The following PSMD9 variants were observed in gnomAD, a reference collection of about 807,000 sequenced individuals.
PSMD9 encodes the protein 26S proteasome non-ATPase regulatory subunit 9.
In PSMD9, 26 loss-of-function variants were observed where a neutral mutation model predicts 25.9. The observed-to-expected ratio is 1.00, with a 90% CI of 0.73 to 1.39. PSMD9 has a LOEUF of 1.39. PSMD9 is among the 40% of genes most tolerant of loss of function. The probability of loss-of-function intolerance (pLI) is 0.00; values close to 1 mark genes in which losing one functional copy is unlikely to be tolerated. For missense variants in PSMD9, 303 were observed against 299.3 expected, an observed-to-expected ratio of 1.01 and a Z score of -0.09; for synonymous variants, 110 against 114.5, an observed-to-expected ratio of 0.96 and a Z score of 0.25.
intron 5 of PSMD9, 42 bp from the exon 6 acceptor site, chr12:121,916,242 G>A: frequency 6.2e-7 from 1 of 1,612,606 alleles, no homozygotes; most frequent in South Asian, 1.1e-5. Context: ...TTCCTGAAGG[G>A]AGCCTCCAAA....
intron 4 of PSMD9, among the ~76,000 whole-genome samples, chr12:121,908,427 C>G (rs1194638630): frequency 6.6e-6 from 1 of 152,156 alleles, no homozygotes; most frequent in Non-Finnish European, 1.5e-5. Flanking sequence ...GATCTGCCCG[C>G]TTCGGCCTCC....
chr12:121,914,861 TAAAGC>T (rs1879848508), intron 4 of PSMD9: 1 of 150,796 alleles, frequency 6.6e-6, no homozygotes, highest in Non-Finnish European at 1.5e-5. Flanking sequence ...CTCAGAAAAA[TAAAGC>T]AATACATACG....
chr12:121,891,415 A>C (rs1396625083), intron 1 of PSMD9, among the ~76,000 whole-genome samples: 2 of 150,236 alleles, frequency 1.3e-5, no homozygotes, highest in Non-Finnish European at 3.0e-5. Context: ...CCTGGCTAAC[A>C]CAGTGAAACC....
At chr12:121,906,498 C>T (rs1879558420) in intron 4 of PSMD9, among the ~76,000 whole-genome samples, 1 of 151,362 alleles carries the variant, frequency 6.6e-6, no homozygotes, top group Non-Finnish European at 1.5e-5. Flanking sequence ...GGTGAAACCC[C>T]ATCTCTACTA....
intron 3 of PSMD9, among the ~76,000 whole-genome samples, chr12:121,900,523 T>A (rs11043236): frequency 1.4e-5 from 2 of 148,010 alleles, no homozygotes; most frequent in African/African-American, 2.5e-5. Flanking sequence ...AAACCCCGTC[T>A]CTACTAAAAA....
intron 4 of PSMD9, among the ~76,000 whole-genome samples, chr12:121,910,755 T>C (rs1368074532): frequency 6.6e-6 from 1 of 150,798 alleles, no homozygotes; most frequent in Non-Finnish European, 1.5e-5. Flanking sequence ...AGTGAAACTT[T>C]GTCTCAAAAA....
intron 4 of PSMD9, among the ~76,000 whole-genome samples, chr12:121,910,616 C>T (rs56001259): frequency 7.9e-5 from 12 of 151,474 alleles, no homozygotes; most frequent in Middle Eastern, 3.2e-3. Context: ...CAAAATTAGC[C>T]GGGCGTCGTG....
chr12:121,892,423 G>A (rs548333596), intron 1 of PSMD9, among the ~76,000 whole-genome samples: 22 of 151,630 alleles, frequency 1.5e-4, no homozygotes, highest in South Asian at 4.2e-4. Flanking sequence ...ATTAAAGGCC[G>A]GGCATGGTGG....
At position 121,895,158 on chromosome 12, in the gene PSMD9, G is replaced by T. The variant is rs76656548; in HGVS notation, c.241+317G>T. On this transcript the variant is annotated intron_variant, in intron 2 of 5. Coordinates refer to ENST00000541212, the MANE Select transcript of PSMD9 (RefSeq NM_002813.7). ...CCCCCAGGCTCCAAGTGCTCCTTCT[G>T]CCTCAGCCTCCCAAGTAGCTGGGAC... 1.3e-3 allele frequency among the ~76,000 whole-genome samples: 198 copies of T among 151,748 alleles called. 5 individuals are homozygous for T. The East Asian group carries it at 0.036, about 28-fold the overall frequency.
At chr12:121,892,577 T>C (rs892161612) in intron 1 of PSMD9, among the ~76,000 whole-genome samples, 3 of 152,090 alleles carry the variant, frequency 2.0e-5, no homozygotes, top group Non-Finnish European at 4.4e-5. Context: ...GGCAGACGCC[T>C]GTAGTCCCAG....
At chr12:121,914,822 C>G (rs1048721578) in intron 4 of PSMD9, 1 of 152,016 alleles carries the variant, frequency 6.6e-6, no homozygotes, top group Admixed American at 6.6e-5. Flanking sequence ...CCACTACACT[C>G]CAGCCTGGGC....
At chr12:121,894,873 CTTGT>C in intron 2 of PSMD9, 32 bp downstream of exon 2, 5 of 1,574,414 alleles carry the variant, frequency 3.2e-6, no homozygotes, top group Non-Finnish European at 3.5e-6. Flanking sequence ...CTTTCCCCAC[CTTGT>C]GGTGGGAAGG....
At chr12:121,890,581 C>T (rs530977240) in intron 1 of PSMD9, among the ~76,000 whole-genome samples, 2 of 152,254 alleles carry the variant, frequency 1.3e-5, no homozygotes, top group South Asian at 4.1e-4. Flanking sequence ...AATCCTCCCA[C>T]CTCAGCCTCC....
At chr12:121,890,585 A>C (rs1372331565) in intron 1 of PSMD9, among the ~76,000 whole-genome samples, 1 of 152,026 alleles carries the variant, frequency 6.6e-6, no homozygotes, top group African/African-American at 2.4e-5. Flanking sequence ...CTCCCACCTC[A>C]GCCTCCCAAG....
At chr12:121,900,062 T>C (rs999790159) in intron 3 of PSMD9, among the ~76,000 whole-genome samples, 1 of 152,090 alleles carries the variant, frequency 6.6e-6, no homozygotes, top group African/African-American at 2.4e-5. Flanking sequence ...ACTACATTGG[T>C]GGGGGAGTGA....
At chr12:121,907,282 C>T (rs1272809216) in intron 4 of PSMD9, among the ~76,000 whole-genome samples, 4 of 151,980 alleles carry the variant, frequency 2.6e-5, no homozygotes, top group Admixed American at 2.0e-4. Context: ...GTTGGCCAGG[C>T]GGGTCTTGAA....
intron 3 of PSMD9, among the ~76,000 whole-genome samples, chr12:121,901,156 G>A (rs576700905): frequency 7.9e-5 from 12 of 152,058 alleles, no homozygotes; most frequent in Admixed American, 3.3e-4. Flanking sequence ...TCATTGTCTT[G>A]TAAAGAAACT....
rs565053555 is a variant in PSMD9, at chr12:121,912,782, C to T, written c.556-3074C>T. Among the ~76,000 whole-genome samples, 19 of 146,938 alleles carry T rather than the reference C, an allele frequency of 1.3e-4. 1 individual carries two copies. The East Asian group carries it at 3.3e-3, about 25-fold the overall frequency. On this transcript the variant is annotated intron_variant, in intron 4 of 5. Transcript: ENST00000541212. ...TCAGGAGGCTGAGGCAGGAGAATCG[C>T]TTGAGCCCAGGAGGCAGAGGTTGCA...
In PSMD9 at chr12:121,893,194, A is replaced by C. The variant is rs191793941; in HGVS notation, c.139-1545A>C. On this transcript the variant is annotated intron_variant, in intron 1 of 5. Coordinates refer to ENST00000541212, the MANE Select transcript of PSMD9 (RefSeq NM_002813.7). ...CTCAAAGGCTGGTCAACCCTTAACC[A>C]CTGTGGGAAGGCAGGAGCAGATACA... Among the ~76,000 whole-genome samples the C allele has an allele frequency of 9.8e-5, 15 of 152,346 alleles. No homozygotes were observed. The East Asian group carries it at 2.3e-3, about 23-fold the overall frequency.
Sources: gnomAD v4.1 joint callset for allele counts (sites outside exome capture counted in the v4.1 genomes callset) on GRCh38, gnomAD v4.1.1 for gene constraint, MANE v1.5 for transcripts, NCBI Gene and HGNC (gene_info 2026-07-23, HGNC 2026-07-21) for gene names.